The following SORCS2 variants were observed in gnomAD, a reference collection of about 807,000 sequenced individuals.
The protein encoded by SORCS2 is sortilin related VPS10 domain containing receptor 2, also known as VPS10 domain-containing receptor SorCS2.
Under a neutral mutation model 141.6 loss-of-function variants are expected in SORCS2, and 100 were observed. The observed-to-expected ratio is 0.71, with a 90% CI of 0.60 to 0.83. SORCS2 has a LOEUF of 0.83. SORCS2 is among the 40% of genes least tolerant of loss of function. The pLI is 0.00. For missense variants in SORCS2, 1,646 were observed against 1,560.2 expected (o/e 1.05, Z -0.93); for synonymous variants, 789 against 676.9 (o/e 1.17, Z -2.57).
At chr4:7,632,689 G>GC (rs1479487743) in intron 3 of SORCS2, among the ~76,000 whole-genome samples, 1 of 152,172 alleles carries the variant, frequency 6.6e-6, no homozygotes, top group Non-Finnish European at 1.5e-5. Flanking sequence ...TGTACCCAGA[G>GC]CCCCCCGGCT....
At chr4:7,494,225 T>A (rs926575854) in intron 2 of SORCS2, among the ~76,000 whole-genome samples, 3 of 152,246 alleles carry the variant, frequency 2.0e-5, no homozygotes, top group African/African-American at 7.2e-5. Context: ...AGACTTTGCA[T>A]GAGCTTCCCC....
intron 2 of SORCS2, among the ~76,000 whole-genome samples, chr4:7,404,218 G>A (rs10010427): frequency 0.018 from 2,778 of 151,624 alleles, 86 homozygotes; most frequent in African/African-American, 0.064. Context: ...GTGTATATAC[G>A]CCACATTTTC....
At chr4:7,733,499 C>T in intron 24 of SORCS2, 78 bp downstream of exon 24, 3 of 1,214,878 alleles carry the variant, frequency 2.5e-6, no homozygotes, top group South Asian at 3.0e-5. Context: ...CCTGCAGGGC[C>T]CTCGGGCAGA....
At chr4:7,227,485 G>C (rs1729058162) in intron 1 of SORCS2, among the ~76,000 whole-genome samples, 1 of 152,220 alleles carries the variant, frequency 6.6e-6, no homozygotes, top group African/African-American at 2.4e-5. Flanking sequence ...GCAGCCTGCA[G>C]GTTGTGATCC....
At chr4:7,691,401 C>T (rs1176697264) in intron 11 of SORCS2, among the ~76,000 whole-genome samples, 1 of 152,208 alleles carries the variant, frequency 6.6e-6, no homozygotes, top group East Asian at 1.9e-4. Flanking sequence ...AAGGACCAGA[C>T]CAGAGTGCAG....
intron 3 of SORCS2, among the ~76,000 whole-genome samples, chr4:7,628,398 A>G (rs1023843111): frequency 1.2e-4 from 18 of 152,068 alleles, no homozygotes; most frequent in African/African-American, 3.9e-4. Flanking sequence ...GGGCGCCTGT[A>G]GTCCCAGCTA....
chr4:7,670,843 T>C (rs927081422), intron 8 of SORCS2, among the ~76,000 whole-genome samples: 1 of 152,120 alleles, frequency 6.6e-6, no homozygotes, highest in African/African-American at 2.4e-5. Context: ...AAGGACCTTG[T>C]CTTCCAAACA....
At chr4:7,386,320 G>A (rs561914124) in intron 1 of SORCS2, among the ~76,000 whole-genome samples, 10 of 98,214 alleles carry the variant, frequency 1.0e-4, no homozygotes, top group Admixed American at 9.0e-4. Flanking sequence ...TTGCACACAC[G>A]CACACATATG....
intron 1 of SORCS2, among the ~76,000 whole-genome samples, chr4:7,256,810 G>T (rs545396354): frequency 6.6e-6 from 1 of 151,008 alleles, no homozygotes; most frequent in South Asian, 2.1e-4. Flanking sequence ...AGAGTGTGAG[G>T]TCTGTTGGGG....
intron 1 of SORCS2, among the ~76,000 whole-genome samples, chr4:7,262,199 C>T (rs1204503522): frequency 7.4e-6 from 1 of 134,242 alleles, no homozygotes; most frequent in Non-Finnish European, 1.6e-5. Context: ...TCCATCTATC[C>T]ATCCATCCAC....
intron 2 of SORCS2, among the ~76,000 whole-genome samples, chr4:7,455,084 G>A (rs1728797758): frequency 9.6e-6 from 1 of 104,200 alleles, no homozygotes. Context: ...CTGCTGTGTT[G>A]GGGTCAGGCA....
chr4:7,440,050 C>G (rs539369031), intron 2 of SORCS2, among the ~76,000 whole-genome samples: 3 of 152,330 alleles, frequency 2.0e-5, no homozygotes, highest in African/African-American at 7.2e-5. Context: ...AATGGTATCA[C>G]AGACATTCAT....
chr4:7,299,453 G>C (rs1717292354), intron 1 of SORCS2, among the ~76,000 whole-genome samples: 2 of 152,182 alleles, frequency 1.3e-5, no homozygotes, highest in Non-Finnish European at 2.9e-5. Flanking sequence ...ATCTCTCGGG[G>C]ACCATCTGGC....
At chr4:7,598,985 C>T (rs1039020743) in intron 3 of SORCS2, among the ~76,000 whole-genome samples, 11 of 152,312 alleles carry the variant, frequency 7.2e-5, no homozygotes, top group South Asian at 2.1e-4. Context: ...CCCTTGCAGG[C>T]GGCAGGGTTG....
chr4:7,512,025 C>A (rs114846166), intron 2 of SORCS2, among the ~76,000 whole-genome samples: 1 of 152,148 alleles, frequency 6.6e-6, no homozygotes, highest in Admixed American at 6.5e-5. Context: ...TCTGTTCCTG[C>A]GCAATACACA....
At position 7,236,396 on chromosome 4, in the gene SORCS2, G is replaced by A. The variant is rs1712271402; in HGVS notation, c.480+43270G>A. ...GAGTGTGTTGCCAGGCTGAGGACTG[G>A]GAGTGTGTCTATTGGCAGCAGGAGA... On this transcript the variant is annotated intron_variant, in intron 1 of 26. Transcript: ENST00000507866. Among the ~76,000 whole-genome samples the A allele has an allele frequency of 2.6e-5, 4 of 152,134 alleles. No individual in the cohort carries two copies. In the South Asian group the frequency reaches 8.3e-4, roughly 32 times the overall value.
In SORCS2 at chr4:7,483,674, C is replaced by T. The variant is rs547574033; in HGVS notation, c.549-47856C>T. Among the ~76,000 whole-genome samples the T allele has an allele frequency of 5.3e-5, 8 of 151,760 alleles. No individual in the cohort carries two copies. The South Asian group carries it at 6.3e-4, about 12-fold the overall frequency. ...CACGTGTCTTCCAAGGGGCTTACAA[C>T]GTCCTGGGAGGGAGTATTCCTGTGT... On this transcript the variant is annotated intron_variant, in intron 2 of 26. Coordinates refer to ENST00000507866, the MANE Select transcript of SORCS2 (RefSeq NM_020777.3).
chr4:7,202,941 G>A (rs1046961741), intron 1 of SORCS2, among the ~76,000 whole-genome samples: 4 of 151,678 alleles, frequency 2.6e-5, no homozygotes, highest in Admixed American at 6.6e-5. Context: ...CGGATGCTGC[G>A]TCAGGCACGT....
chr4:7,662,800 A>C (rs1395583391), intron 6 of SORCS2, among the ~76,000 whole-genome samples: 1 of 150,742 alleles, frequency 6.6e-6, no homozygotes, highest in East Asian at 1.9e-4. Context: ...TGTTTATACC[A>C]CAGAAATTGG....
Sources: allele counts gnomAD v4.1 joint callset (sites outside exome capture counted in the v4.1 genomes callset), GRCh38; gene constraint gnomAD v4.1.1; transcripts MANE v1.5; gene names NCBI Gene and HGNC (gene_info 2026-07-23, HGNC 2026-07-21).